CYP3A7: variants seen among roughly 807,000 people sequenced by gnomAD.
CYP3A7 encodes the protein cytochrome P450 3A7.
CYP3A7 carries 45 observed loss-of-function variants against 55.2 expected under a neutral mutation model. The observed-to-expected ratio is 0.82, with a 90% CI of 0.64 to 1.05. The LOEUF is 1.05. Among genes scored for constraint, CYP3A7 ranks in the 50% least tolerant of loss-of-function variants. The pLI is 0.00. For synonymous variants in CYP3A7, 180 were observed against 207.4 expected (o/e 0.87, Z 1.13); for missense variants, 548 against 605.3 (o/e 0.91, Z 0.99).
intron 1 of CYP3A7, among the ~76,000 whole-genome samples, chr7:99,733,587 A>G (rs1315746321): frequency 6.6e-6 from 1 of 152,210 alleles, no homozygotes; most frequent in Admixed American, 6.5e-5. Flanking sequence ...TGACAGCCCC[A>G]CAACATGGCC....
At chr7:99,712,853 A>G (rs1168726824) in intron 9 of CYP3A7, among the ~76,000 whole-genome samples, 1 of 152,186 alleles carries the variant, frequency 6.6e-6, no homozygotes, top group Non-Finnish European at 1.5e-5. Flanking sequence ...TTCAGTAAAA[A>G]TCGTACATGG....
intron 8 of CYP3A7, among the ~76,000 whole-genome samples, chr7:99,713,896 A>C (rs569513433): frequency 6.6e-6 from 1 of 152,322 alleles, no homozygotes; most frequent in East Asian, 1.9e-4. Context: ...TGGTGGGAGC[A>C]CTTTCAAATA....
rs1813480460 is a variant in CYP3A7 at position 99,705,374 on chromosome 7, T to A, written c.*126A>T. ...CACAATGCACGTACAGAATCCCTGA[T>A]TATTTATGCAGCACATTGGATGAAG... On this transcript the variant is annotated 3_prime_UTR_variant, in exon 13 of 13. Transcript: ENST00000336374. The A allele has an allele frequency of 2.8e-6, 3 of 1,090,556 alleles. No homozygotes were observed. Among genetic ancestry groups the A allele is most frequent in the South Asian group, 2.6e-5 (2 of 77,820 alleles). The allele number at this position is 1,090,556 out of a possible 1,614,324, so 67.6% of individuals were successfully genotyped here.
chr7:99,726,281 G>A (rs537703368), intron 2 of CYP3A7, among the ~76,000 whole-genome samples: 30 of 152,272 alleles, frequency 2.0e-4, no homozygotes, highest in Non-Finnish European at 4.3e-4. Context: ...GAGGCTTTAA[G>A]GAGATTGAAG....
intron 4 of CYP3A7, among the ~76,000 whole-genome samples, chr7:99,719,100 C>A (rs1488624643): frequency 1.3e-5 from 2 of 152,152 alleles, no homozygotes; most frequent in African/African-American, 2.4e-5. Flanking sequence ...ACATTTAATT[C>A]AATTCTTGTT....
intron 7 of CYP3A7, chr7:99,715,476 A>G: frequency 2.4e-6 from 1 of 423,470 alleles, no homozygotes. Flanking sequence ...ATTTCTATGA[A>G]GTGTCCAGAA....
At position 99,734,295 on chromosome 7, in the gene CYP3A7, A is replaced by G. The variant is rs1406769814; in HGVS notation, c.71+728T>C. ...AAAATGTGACAGGCGGGAAGCCTCC[A>G]GTACACACAGTAGGGAGTGACTCTT... On this transcript the variant is annotated intron_variant, in intron 1 of 12. Transcript: ENST00000336374. Among the ~76,000 whole-genome samples, 4 of 152,354 alleles carry G rather than the reference A, an allele frequency of 2.6e-5. No homozygotes were observed. In the East Asian group the frequency reaches 7.7e-4, roughly 29 times the overall value.
At chr7:99,718,195 C>T (rs1814046313) in intron 4 of CYP3A7, among the ~76,000 whole-genome samples, 1 of 152,072 alleles carries the variant, frequency 6.6e-6, no homozygotes, top group South Asian at 2.1e-4. Flanking sequence ...ATGAGTACAG[C>T]ACACCAACAT....
chr7:99,723,856 T>C (rs2687141), intron 2 of CYP3A7, among the ~76,000 whole-genome samples: 115,907 of 152,150 alleles, frequency 0.76, 47,135 homozygotes, highest in Non-Finnish European at 0.91. Flanking sequence ...AAAACTCTGG[T>C]GCCAGTCATG....
chr7:99,716,579 G>C (rs1000781448), intron 6 of CYP3A7, among the ~76,000 whole-genome samples: 1 of 152,138 alleles, frequency 6.6e-6, no homozygotes, highest in Non-Finnish European at 1.5e-5. Context: ...CATATCCCCT[G>C]TCTGCCCAGG....
At chr7:99,710,126 A>G (rs562379637) in intron 10 of CYP3A7, among the ~76,000 whole-genome samples, 3 of 152,338 alleles carry the variant, frequency 2.0e-5, no homozygotes, top group Admixed American at 6.5e-5. Flanking sequence ...CCCAAAAGCC[A>G]TGTCTCTTCA....
At chr7:99,718,037 G>A (rs1480991163) in intron 4 of CYP3A7, among the ~76,000 whole-genome samples, 1 of 151,978 alleles carries the variant, frequency 6.6e-6, no homozygotes, top group Non-Finnish European at 1.5e-5. Context: ...TGAAAAAGAG[G>A]TGCCTTGATG....
chr7:99,719,395 G>A (rs1814094601), intron 4 of CYP3A7, among the ~76,000 whole-genome samples: 1 of 152,126 alleles, frequency 6.6e-6, no homozygotes, highest in Admixed American at 6.5e-5. Context: ...TCCAAAAATG[G>A]CTTTGGAACA....
In CYP3A7 at chr7:99,705,338, C is replaced by G; in HGVS notation, c.*162G>C. On this transcript the variant is annotated 3_prime_UTR_variant, in exon 13 of 13. Coordinates refer to ENST00000336374, the MANE Select transcript of CYP3A7 (RefSeq NM_000765.5). ...TACCAAGTATAACACTCTATACAGA[C>G]CATGAGAGAGCACAATGCACGTACA... 1.3e-6 allele frequency: 1 copy of G among 780,374 alleles called. No individual in the cohort carries two copies. The highest frequency in any genetic ancestry group is 2.1e-6 in the Non-Finnish European group (1 of 481,186). The allele number at this position is 780,374 out of a possible 1,614,324, so 48.3% of individuals were successfully genotyped here.
chr7:99,733,174 C>T (rs1814692707), intron 1 of CYP3A7, among the ~76,000 whole-genome samples: 1 of 152,194 alleles, frequency 6.6e-6, no homozygotes, highest in Non-Finnish European at 1.5e-5. Context: ...CCTGTTCCTT[C>T]CTTTGTTGTC....
chr7:99,727,361 T>G (rs1814452853), intron 2 of CYP3A7, among the ~76,000 whole-genome samples: 2 of 152,144 alleles, frequency 1.3e-5, no homozygotes, highest in African/African-American at 2.4e-5. Context: ...CTCCATACAG[T>G]TCTCATAACT....
intron 2 of CYP3A7, among the ~76,000 whole-genome samples, chr7:99,724,686 G>A (rs554057549): frequency 4.7e-4 from 72 of 151,916 alleles, no homozygotes; most frequent in Admixed American, 6.6e-4. Context: ...GTTTCATTCC[G>A]AGACTAGCCC....
intron 2 of CYP3A7, among the ~76,000 whole-genome samples, chr7:99,723,010 G>A (rs544390909): frequency 1.5e-5 from 2 of 130,958 alleles, no homozygotes; most frequent in South Asian, 5.1e-4. Flanking sequence ...CACTTGCTCC[G>A]AGTTTGCACT....
rs140404982 is a variant in CYP3A7 at position 99,710,907 on chromosome 7, A to G, written c.866-15T>C. On this transcript the variant is annotated splice_polypyrimidine_tract_variant and intron_variant, in intron 9 of 12. Coordinates refer to ENST00000336374, the MANE Select transcript of CYP3A7 (RefSeq NM_000765.5). ...ATCAGACAGAGCTGAAAGGAGAGAA[A>G]AGACATTTTAGGTAAATCAGGTCAA... The G allele has an allele frequency of 5.6e-5, 90 of 1,613,542 alleles. No individual in the cohort carries two copies. In the East Asian group the frequency reaches 1.9e-3, roughly 34 times the overall value.
Sources: allele counts gnomAD v4.1 joint callset (sites outside exome capture counted in the v4.1 genomes callset), GRCh38; gene constraint gnomAD v4.1.1; transcripts MANE v1.5; gene names NCBI Gene and HGNC (gene_info 2026-07-23, HGNC 2026-07-21).